Variants in ARHGAP42 observed in about 807,000 individuals in gnomAD.
The protein encoded by ARHGAP42 is Rho GTPase activating protein 42, also known as rho GTPase-activating protein 42.
Under a neutral mutation model 125.0 loss-of-function variants are expected in ARHGAP42, and 63 were observed. The ratio of observed to expected loss-of-function variants is 0.50; its 90% CI spans 0.41 to 0.62. ARHGAP42 has a LOEUF of 0.62. Ranked by LOEUF, ARHGAP42 falls within the 20% of genes least tolerant of loss-of-function variation. The pLI is 0.00. For synonymous variants in ARHGAP42, 339 were observed against 351.0 expected (o/e 0.97, Z 0.38); for missense variants, 766 against 1,024.2 (o/e 0.75, Z 3.44).
chr11:100,738,325 A>G (rs1022629003), intron 1 of ARHGAP42: 2 of 152,180 alleles, frequency 1.3e-5, no homozygotes, highest in Admixed American at 1.3e-4. Context: ...GAGAGTTCAT[A>G]TGTGGAAAGG....
chr11:100,944,258 A>G (rs1867959211), intron 10 of ARHGAP42, among the ~76,000 whole-genome samples: 1 of 152,078 alleles, frequency 6.6e-6, no homozygotes, highest in African/African-American at 2.4e-5. Flanking sequence ...GCAGGTGGGA[A>G]TACTATAAGC....
chr11:100,813,853 G>T (rs1046156982), intron 3 of ARHGAP42, among the ~76,000 whole-genome samples: 2 of 151,984 alleles, frequency 1.3e-5, no homozygotes, highest in Admixed American at 6.6e-5. Context: ...AATAAGACTG[G>T]CGGCAACATG....
chr11:100,978,835 A>G (rs1456974907), intron 21 of ARHGAP42, among the ~76,000 whole-genome samples, 152 bp from the exon 22 acceptor site: 1 of 152,242 alleles, frequency 6.6e-6, no homozygotes, highest in Non-Finnish European at 1.5e-5. Flanking sequence ...TCTCATTGAC[A>G]TTAAAGGTTA....
chr11:100,981,066 C>T (rs1388713856), intron 22 of ARHGAP42, among the ~76,000 whole-genome samples: 1 of 152,104 alleles, frequency 6.6e-6, no homozygotes, highest in South Asian at 2.1e-4. Context: ...CAGACAGACC[C>T]TAGTTCAAAT....
chr11:100,935,634 G>T (rs1867715211), intron 7 of ARHGAP42, among the ~76,000 whole-genome samples: 1 of 149,456 alleles, frequency 6.7e-6, no homozygotes, highest in African/African-American at 2.5e-5. Context: ...AATAATGTTA[G>T]AGTGTGAAAA....
intron 4 of ARHGAP42, among the ~76,000 whole-genome samples, chr11:100,902,387 T>C (rs1435858828): frequency 6.6e-6 from 1 of 152,184 alleles, no homozygotes; most frequent in Admixed American, 6.5e-5. Flanking sequence ...TCTGTAAGCC[T>C]AATCTTCCAG....
Position 100,955,236 on chromosome 11 carries a change from G to A in ARHGAP42, c.1163-4647G>A, listed in dbSNP as rs66505463. On this transcript the variant is annotated intron_variant, in intron 12 of 23. Transcript: ENST00000298815. ...TATCCCTGAACAGTTTACAGAGGGG[G>A]AAAAAAAAAGGTTTAGGCTTAACTT... Among the ~76,000 whole-genome samples the A allele has an allele frequency of 1.6e-4, 16 of 99,196 alleles. No individual in the cohort carries two copies. In the East Asian group the frequency reaches 2.9e-3, roughly 18 times the overall value. The allele number at this position is 99,196 out of a possible 152,430, so 65.1% of individuals were successfully genotyped here.
intron 1 of ARHGAP42, among the ~76,000 whole-genome samples, chr11:100,724,333 TAGAA>T (rs1406848396): frequency 6.6e-6 from 1 of 152,174 alleles, no homozygotes; most frequent in Non-Finnish European, 1.5e-5. Flanking sequence ...ACTGTTCTCA[TAGAA>T]TGAGTTAGCA....
intron 1 of ARHGAP42, among the ~76,000 whole-genome samples, chr11:100,758,352 A>G (rs1324613351): frequency 6.6e-6 from 1 of 152,232 alleles, no homozygotes; most frequent in Non-Finnish European, 1.5e-5. Context: ...AAGTTGTAGT[A>G]ATAAACCTAG....
chr11:100,899,866 G>T (rs933066339), intron 4 of ARHGAP42, among the ~76,000 whole-genome samples: 5 of 151,456 alleles, frequency 3.3e-5, no homozygotes, highest in Non-Finnish European at 7.4e-5. Context: ...TATCCAATTT[G>T]CCAGTCTGTG....
Position 100,921,245 on chromosome 11 carries a change from A to T in ARHGAP42, c.487-249A>T, listed in dbSNP as rs11823852. On this transcript the variant is annotated intron_variant, in intron 5 of 23. Coordinates refer to ENST00000298815, the MANE Select transcript of ARHGAP42 (RefSeq NM_152432.4). ...TATATATATATATATATATATATATATTTTTTTTTTTTTTTTTTTTTTTTT... is the reference window on the plus strand; with the variant it reads ...TATATATATATATATATATATATATTTTTTTTTTTTTTTTTTTTTTTTTTT... Among the ~76,000 whole-genome samples the T allele has an allele frequency of 1.8e-3, 65 of 36,722 alleles. 2 individuals carry two copies. The highest frequency in any genetic ancestry group is 3.2e-3 in the African/African-American group (31 of 9,722). 24.1% of individuals were successfully genotyped at this position (36,722 alleles called of 152,430 possible).
intron 16 of ARHGAP42, among the ~76,000 whole-genome samples, chr11:100,964,052 A>G (rs186493554): frequency 6.6e-6 from 1 of 152,022 alleles, no homozygotes; most frequent in African/African-American, 2.4e-5. Flanking sequence ...TATCTTATAT[A>G]TAAGAACTCA....
At chr11:100,793,383 G>A (rs1863620684) in intron 2 of ARHGAP42, among the ~76,000 whole-genome samples, 1 of 152,144 alleles carries the variant, frequency 6.6e-6, no homozygotes, top group Non-Finnish European at 1.5e-5. Flanking sequence ...CAATATTTCT[G>A]AAGAGATCTC....
chr11:100,760,922 A>C (rs1032564695), intron 1 of ARHGAP42, among the ~76,000 whole-genome samples: 6 of 152,144 alleles, frequency 3.9e-5, no homozygotes, highest in Non-Finnish European at 7.3e-5. Flanking sequence ...TGAGGCTAAC[A>C]TACTGAGGCT....
chr11:100,740,642 G>A (rs113165667), intron 1 of ARHGAP42, among the ~76,000 whole-genome samples: 2 of 152,158 alleles, frequency 1.3e-5, no homozygotes, highest in South Asian at 2.1e-4. Context: ...GATGTAGAAT[G>A]GTTCCTGAAA....
rs146734929 is a variant in ARHGAP42, at chr11:100,724,381, C to T, written c.154+36549C>T. ...TTTTACTTCTATTTCTGTAAGAACT[C>T]GTGGAGAATTGGTTTAATTTTTTCT... On this transcript the variant is annotated intron_variant, in intron 1 of 23. Transcript: ENST00000298815. 7.3e-3 allele frequency among the ~76,000 whole-genome samples: 1,111 copies of T among 152,134 alleles called. 12 individuals are homozygous for T. The highest frequency in any genetic ancestry group is 0.025 in the African/African-American group (1,043 of 41,510).
At position 100,939,979 on chromosome 11, in the gene ARHGAP42, A is replaced by G. The variant is rs140753875; in HGVS notation, c.833-1805A>G. ...GAAGTCACTACATACGAGAATTTCT[A>G]TCCAGTCACTTTCCACTAATTAGCT... On this transcript the variant is annotated intron_variant, in intron 8 of 23. Coordinates refer to ENST00000298815, the MANE Select transcript of ARHGAP42 (RefSeq NM_152432.4). Among the ~76,000 whole-genome samples the G allele has an allele frequency of 7.5e-3, 1,140 of 152,326 alleles. 8 individuals are homozygous for G. Among genetic ancestry groups the G allele is most frequent in the Non-Finnish European group, 0.011 (755 of 68,030 alleles).
intron 1 of ARHGAP42, among the ~76,000 whole-genome samples, chr11:100,699,151 A>C (rs11224395): frequency 1.3e-5 from 2 of 152,088 alleles, no homozygotes; most frequent in East Asian, 3.9e-4. Flanking sequence ...CCCGATTTTT[A>C]CCAGCCCAGG....
chr11:100,717,907 G>T (rs1449237773), intron 1 of ARHGAP42, among the ~76,000 whole-genome samples: 3 of 136,010 alleles, frequency 2.2e-5, no homozygotes, highest in Non-Finnish European at 3.1e-5. Flanking sequence ...CTGGGCAACA[G>T]AGCGAGACTC....
Sources: gnomAD v4.1 joint callset for allele counts (sites outside exome capture counted in the v4.1 genomes callset) on GRCh38, gnomAD v4.1.1 for gene constraint, MANE v1.5 for transcripts, NCBI Gene and HGNC (gene_info 2026-07-23, HGNC 2026-07-21) for gene names.